The following PTPRZ1 variants were observed in gnomAD, a reference collection of about 807,000 sequenced individuals.
PTPRZ1 encodes receptor-type tyrosine-protein phosphatase zeta.
In PTPRZ1, 82 loss-of-function variants were observed where a neutral mutation model predicts 214.1. The observed-to-expected ratio is 0.38, with a 90% CI of 0.32 to 0.46. The LOEUF (loss-of-function observed/expected upper bound fraction) is 0.46. Ranked by LOEUF, PTPRZ1 falls within the 20% of genes least tolerant of loss-of-function variation. The pLI is 1.00. For synonymous variants in PTPRZ1, 945 were observed against 987.9 expected, an observed-to-expected ratio of 0.96 and a Z score of 0.81; for missense variants, 2,603 against 2,748.7, an observed-to-expected ratio of 0.95 and a Z score of 1.19.
intron 1 of PTPRZ1, among the ~76,000 whole-genome samples, chr7:121,877,453 C>A (rs1449203800): frequency 3.9e-5 from 6 of 152,028 alleles, no homozygotes; most frequent in African/African-American, 7.2e-5. Context: ...CTTTTTTATC[C>A]TTTTTTGAAA....
rs371023137 is a variant in PTPRZ1 at position 122,031,481 on chromosome 7, C to T, written c.5088C>T (p.Val1696=). Residue 1696 remains valine, a synonymous_variant, in exon 15 of 30, where the codon GTC becomes GTT. Coordinates refer to ENST00000393386, the MANE Select transcript of PTPRZ1 (RefSeq NM_002851.3). The part of the protein sequence containing the change: ...PTPIFPISDD[V]GAIPIKHFPK... ...ATTTTTTTATTCACGTAGATGATGTCGGAGCAATTCCAATAAAGCACTTTC... is the reference window on the plus strand; with the variant it reads ...ATTTTTTTATTCACGTAGATGATGTTGGAGCAATTCCAATAAAGCACTTTC... The T allele has an allele frequency of 1.7e-4, 281 of 1,609,668 alleles. No homozygotes were observed. Among genetic ancestry groups the T allele is most frequent in the Non-Finnish European group, 2.1e-4 (248 of 1,177,360 alleles).
At chr7:121,950,153 G>C (rs1162632799) in intron 2 of PTPRZ1, among the ~76,000 whole-genome samples, 2 of 151,950 alleles carry the variant, frequency 1.3e-5, no homozygotes, top group Non-Finnish European at 2.9e-5. Context: ...AAAAATGAGA[G>C]AGCTTGTGCA....
At position 122,013,965 on chromosome 7, in the gene PTPRZ1, A is replaced by G. The variant is rs1584743569; in HGVS notation, c.4843+76A>G. 2.3e-6 allele frequency: 3 copies of G among 1,305,892 alleles called. No homozygotes were observed. In the East Asian group the frequency reaches 7.3e-5, roughly 32 times the overall value. 80.9% of individuals were successfully genotyped at this position (1,305,892 alleles called of 1,614,324 possible). A position where few individuals can be genotyped will look rare whatever the true frequency, so the allele number is the denominator to read the frequency against. ...TAAAAGTAAAATGAAAATTATAGAA[A>G]GATAGAAATTTGGTAAAATGGTACA... is the stretch of plus-strand genomic sequence containing the variant. On this transcript the variant is annotated intron_variant, in intron 12 of 29. Coordinates refer to ENST00000393386, the MANE Select transcript of PTPRZ1 (RefSeq NM_002851.3).
intron 1 of PTPRZ1, among the ~76,000 whole-genome samples, chr7:121,891,671 T>C (rs550914118): frequency 6.6e-6 from 1 of 152,072 alleles, no homozygotes; most frequent in South Asian, 2.1e-4. Context: ...AGTTTACTTT[T>C]TCAACATTCT....
In PTPRZ1 at chr7:121,881,877, A is replaced by G. The variant is rs188988329; in HGVS notation, c.58+8320A>G. 2.0e-5 allele frequency among the ~76,000 whole-genome samples: 3 copies of G among 152,276 alleles called. No homozygotes were observed. The East Asian group carries it at 5.8e-4, about 29-fold the overall frequency. On this transcript the variant is annotated intron_variant, in intron 1 of 29. Coordinates refer to ENST00000393386, the MANE Select transcript of PTPRZ1 (RefSeq NM_002851.3). ...AGCACATAATATCGTTCATTTCATC[A>G]ATGATACATATTCTTGTTCTCTGTT...
chr7:121,968,310 C>CAA (rs56711234), intron 3 of PTPRZ1, among the ~76,000 whole-genome samples, 180 bp downstream of exon 3: 1 of 144,362 alleles, frequency 6.9e-6, no homozygotes, highest in African/African-American at 2.5e-5. Flanking sequence ...ACAATTTGTA[C>CAA]AAAAAAAAAA....
At chr7:121,933,387 A>G (rs1410589548) in intron 2 of PTPRZ1, among the ~76,000 whole-genome samples, 1 of 152,078 alleles carries the variant, frequency 6.6e-6, no homozygotes, top group African/African-American at 2.4e-5. Flanking sequence ...AAAATATTAT[A>G]TTATTTCTTT....
At chr7:122,023,584 A>G (rs1234985495) in intron 13 of PTPRZ1, among the ~76,000 whole-genome samples, 1 of 132,240 alleles carries the variant, frequency 7.6e-6, no homozygotes, top group Non-Finnish European at 1.6e-5. Flanking sequence ...ATATATAATT[A>G]TATATATTAT....
intron 23 of PTPRZ1, among the ~76,000 whole-genome samples, chr7:122,046,337 G>A (rs1791980050): frequency 6.6e-6 from 1 of 152,150 alleles, no homozygotes; most frequent in Admixed American, 6.5e-5. Context: ...GAGCTCAGAA[G>A]TTCAAGATTA....
chr7:122,047,945 C>T (rs975341310), intron 23 of PTPRZ1, among the ~76,000 whole-genome samples: 2 of 152,054 alleles, frequency 1.3e-5, no homozygotes, highest in African/African-American at 4.8e-5. Context: ...TGAGCCACTG[C>T]ACCTGGCCCA....
At chr7:121,996,716 A>C in intron 9 of PTPRZ1, 150 bp downstream of exon 9, 2 of 529,580 alleles carry the variant, frequency 3.8e-6, no homozygotes, top group African/African-American at 3.9e-5. Context: ...AATTTAAAAA[A>C]AAATTTTAAA....
At position 122,012,186 on chromosome 7, in the gene PTPRZ1, T is replaced by C; in HGVS notation, c.3140T>C (p.Ile1047Thr). The C allele has an allele frequency of 6.2e-7, 1 of 1,613,930 alleles. No individual in the cohort carries two copies. The highest frequency in any genetic ancestry group is 8.5e-7 in the Non-Finnish European group (1 of 1,179,818). Residue 1047 changes from isoleucine (I) to threonine (T), a missense_variant, in exon 12 of 30, where the codon ATA (isoleucine) becomes ACA (threonine). By Grantham distance (89) the Ile-to-Thr change is moderately conservative (BLOSUM62 -1). Around this residue, in one of 6 missense-constraint regions of PTPRZ1, gnomAD observed 1,913 missense variants for 1,914.3 expected, o/e 1.00. Coordinates refer to ENST00000393386, the MANE Select transcript of PTPRZ1 (RefSeq NM_002851.3). ...DNKALSKSEI[I>T]YGNETELQIP... Reference sequence around the variant, plus strand: ...AAGGCGCTTTCTAAAAGTGAAATAATATATGGAAATGAGACTGAACTGCAA... The same window carrying C: ...AAGGCGCTTTCTAAAAGTGAAATAACATATGGAAATGAGACTGAACTGCAA...
intron 11 of PTPRZ1, among the ~76,000 whole-genome samples, chr7:122,007,927 G>A (rs1485213514): frequency 6.6e-6 from 1 of 152,118 alleles, no homozygotes; most frequent in African/African-American, 2.4e-5. Context: ...CATAGCCAAT[G>A]TGACCTTACA....
intron 1 of PTPRZ1, among the ~76,000 whole-genome samples, chr7:121,884,692 T>A (rs753696693): frequency 1.5e-4 from 23 of 152,342 alleles, no homozygotes; most frequent in African/African-American, 2.2e-4. Context: ...TGGTCTTTTT[T>A]AATAAATTCT....
intron 8 of PTPRZ1, among the ~76,000 whole-genome samples, chr7:121,987,927 C>A (rs569189070): frequency 1.4e-4 from 22 of 152,122 alleles, no homozygotes; most frequent in Non-Finnish European, 2.9e-5. Context: ...GGACAGAAAA[C>A]CAAGTACCTC....
Position 122,011,744 on chromosome 7 carries a change from T to A in PTPRZ1, c.2698T>A (p.Tyr900Asn). The A allele has an allele frequency of 6.2e-7, 1 of 1,614,198 alleles. No individual in the cohort carries two copies. Among genetic ancestry groups the A allele is most frequent in the Non-Finnish European group, 8.5e-7 (1 of 1,180,034 alleles). ...ATTTGGTAGTGAATCTGGTGTTCTT[T>A]ATAAAACGCTTATGTTTTCTCAAGT... is the stretch of plus-strand genomic sequence containing the variant. ...LEFGSESGVL[Y>N]KTLMFSQVEP... The change falls in exon 12 of 30, where the codon TAT becomes AAT. Residue 900 changes from tyrosine to asparagine, a missense_variant. Around this residue, in one of 6 missense-constraint regions of PTPRZ1, gnomAD observed 1,913 missense variants for 1,914.3 expected, o/e 1.00. Transcript: ENST00000393386.
chr7:122,006,865 T>G lies in PTPRZ1; in HGVS notation c.1287+2205T>G, dbSNP rs190754645. Reference sequence around the variant, plus strand: ...AATGCAAACAAACAAGGGGTGGCATTGTACATTTGGTATGAATTATATCAG... The same window carrying G: ...AATGCAAACAAACAAGGGGTGGCATGGTACATTTGGTATGAATTATATCAG... On this transcript the variant is annotated intron_variant, in intron 11 of 29. Transcript: ENST00000393386. 1.1e-4 allele frequency among the ~76,000 whole-genome samples: 17 copies of G among 152,076 alleles called. 1 individual carries two copies. In the East Asian group the frequency reaches 3.1e-3, roughly 28 times the overall value.
chr7:122,028,675 G>A, intron 14 of PTPRZ1, 32 bp downstream of exon 14: 1 of 1,453,838 alleles, frequency 6.9e-7, no homozygotes, highest in East Asian at 2.3e-5. Flanking sequence ...ATGAGTAGCT[G>A]GTAGATGTTG....
chr7:122,018,033 A>T (rs995399251), intron 12 of PTPRZ1, among the ~76,000 whole-genome samples: 1 of 152,198 alleles, frequency 6.6e-6, no homozygotes, highest in Non-Finnish European at 1.5e-5. Context: ...TCTTAAATAC[A>T]TATTTAAGTT....
Sources: gnomAD v4.1 joint callset for allele counts (sites outside exome capture counted in the v4.1 genomes callset) on GRCh38, gnomAD v4.1.1 for gene constraint, gnomAD v4.1.1 regional missense constraint, MANE v1.5 for transcripts, NCBI Gene and HGNC (gene_info 2026-07-23, HGNC 2026-07-21) for gene names.